The following ZNF341 variants were observed in gnomAD, a reference collection of about 807,000 sequenced individuals.
ZNF341 encodes zinc finger protein 341.
ZNF341 carries 52 observed loss-of-function variants against 87.7 expected under a neutral mutation model. The ratio of observed to expected loss-of-function variants is 0.59; its 90% CI spans 0.47 to 0.75. The LOEUF (loss-of-function observed/expected upper bound fraction) is 0.75, where lower values mean the gene tolerates loss of function less well. Ranked by LOEUF, ZNF341 falls within the 30% of genes least tolerant of loss-of-function variation. ZNF341 has a pLI of 0.00. For missense variants in ZNF341, 977 were observed against 1,145.9 expected (o/e 0.85, Z 2.13); for synonymous variants, 459 against 472.7 (o/e 0.97, Z 0.38).
At chr20:33,780,252 A>G (rs911310517) in intron 10 of ZNF341, among the ~76,000 whole-genome samples, 2 of 152,002 alleles carry the variant, frequency 1.3e-5, no homozygotes, top group African/African-American at 4.8e-5. Context: ...TGTTCAAGGT[A>G]GGTCAAGGAG....
chr20:33,769,992 C>A lies in ZNF341; in HGVS notation c.1414-92C>A, dbSNP rs573468777. 31 of 788,782 alleles carry A rather than the reference C, an allele frequency of 3.9e-5. No individual in the cohort carries two copies. The Middle Eastern group carries it at 1.4e-3, about 36-fold the overall frequency. The allele number at this position is 788,782 out of a possible 1,614,324, so 48.9% of individuals were successfully genotyped here. On this transcript the variant is annotated intron_variant, in intron 9 of 14. Transcript: ENST00000375200. The stretch of plus-strand genomic sequence containing the variant: ...GAGGGAGCAGTGGTCAGATCATTTA[C>A]CATCAGTGTCCAAGGCCAATGCCAC...
intron 3 of ZNF341, among the ~76,000 whole-genome samples, chr20:33,747,937 G>T (rs186023691): frequency 6.6e-6 from 1 of 151,720 alleles, no homozygotes; most frequent in Non-Finnish European, 1.5e-5. Flanking sequence ...CAAGTGATCC[G>T]CCTGTCTTGG....
At chr20:33,733,931 A>T (rs1340935955) in intron 1 of ZNF341, among the ~76,000 whole-genome samples, 1 of 152,250 alleles carries the variant, frequency 6.6e-6, no homozygotes, top group Admixed American at 6.5e-5. Flanking sequence ...GAGGTGGTGG[A>T]TCAGGAAGGC....
intron 7 of ZNF341, among the ~76,000 whole-genome samples, chr20:33,760,831 A>C (rs2019275110): frequency 6.6e-6 from 1 of 152,128 alleles, no homozygotes; most frequent in Non-Finnish European, 1.5e-5. Flanking sequence ...GGTGTGAGCC[A>C]CCATGCTGGG....
chr20:33,784,178 TC>T (rs1342215119), intron 12 of ZNF341, among the ~76,000 whole-genome samples: 11 of 8,788 alleles, frequency 1.3e-3, no homozygotes, highest in African/African-American at 5.0e-3. Context: ...CTCCTCTCCC[TC>T]CCCCCTCCCT....
chr20:33,784,637 C>A (rs534282765), intron 12 of ZNF341, among the ~76,000 whole-genome samples: 4 of 146,616 alleles, frequency 2.7e-5, no homozygotes, highest in African/African-American at 7.6e-5. Flanking sequence ...TTCTTTGAGA[C>A]AAAGTCTCGC....
intron 10 of ZNF341, among the ~76,000 whole-genome samples, chr20:33,774,410 C>A (rs1234915700): frequency 2.0e-5 from 3 of 151,936 alleles, no homozygotes; most frequent in Admixed American, 2.0e-4. Flanking sequence ...AACAAAAAAC[C>A]AAAACTGTCA....
Position 33,770,069 on chromosome 20 carries a change from G to A in ZNF341, c.1414-15G>A, listed in dbSNP as rs1279195899. The A allele has an allele frequency of 6.2e-7, 1 of 1,606,296 alleles. No individual in the cohort carries two copies. Among genetic ancestry groups the A allele is most frequent in the South Asian group, 1.1e-5 (1 of 90,530 alleles). On this transcript the variant is annotated splice_polypyrimidine_tract_variant and intron_variant, in intron 9 of 14. Transcript: ENST00000375200. The stretch of plus-strand genomic sequence containing the variant: ...TCTCCTGCCTCCTGTCACCTGCCCA[G>A]CGTCTTCCCTCAAGGTGTACAAGTG...
At chr20:33,764,373 A>G (rs1162363689) in intron 8 of ZNF341, among the ~76,000 whole-genome samples, 1 of 150,932 alleles carries the variant, frequency 6.6e-6, no homozygotes, top group Non-Finnish European at 1.5e-5. Context: ...GGCAAAAATA[A>G]TCTTAAATAA....
At chr20:33,746,752 A>G (rs1044371496) in intron 3 of ZNF341, among the ~76,000 whole-genome samples, 1 of 152,104 alleles carries the variant, frequency 6.6e-6, no homozygotes, top group Non-Finnish European at 1.5e-5. Context: ...GGTGGTGAGA[A>G]AGTGTGAGAT....
chr20:33,738,877 G>A (rs569811319), intron 1 of ZNF341, among the ~76,000 whole-genome samples: 7 of 152,238 alleles, frequency 4.6e-5, no homozygotes, highest in Admixed American at 2.0e-4. Flanking sequence ...GGAGGGCTGC[G>A]CTGGCAGCGT....
Position 33,745,229 on chromosome 20 carries a change from C to T in ZNF341, c.269C>T (p.Thr90Ile), listed in dbSNP as rs780164308. ...APALATVSLA[T>I]NSIYPPSAAP... Reference sequence around the variant, plus strand: ...GCCCTGGCCACAGTCTCACTGGCCACCAACAGCATCTACCCACCTTCGGCA... The same window carrying T: ...GCCCTGGCCACAGTCTCACTGGCCATCAACAGCATCTACCCACCTTCGGCA... The change falls in exon 3 of 15, where the codon ACC (threonine) becomes ATC (isoleucine). Residue 90 changes from threonine to isoleucine, a missense_variant. Thr to Ile is a moderately conservative substitution (Grantham distance 89, BLOSUM62 -1). This residue lies in a region of ZNF341 where 515 missense variants were observed against 598.2 expected (regional missense o/e 0.86). Transcript: ENST00000375200. 6.2e-7 allele frequency: 1 copy of T among 1,614,110 alleles called. No homozygotes were observed. The highest frequency in any genetic ancestry group is 1.3e-5 in the African/African-American group (1 of 74,946).
Position 33,770,304 on chromosome 20 carries a change from C to T in ZNF341, c.1622+12C>T, listed in dbSNP as rs1439657894. 2.8e-6 allele frequency: 3 copies of T among 1,090,534 alleles called. No homozygotes were observed. Among genetic ancestry groups the T allele is most frequent in the Admixed American group, 1.9e-5 (1 of 51,388 alleles). 67.6% of individuals were successfully genotyped at this position (1,090,534 alleles called of 1,614,324 possible). On this transcript the variant is annotated intron_variant, in intron 10 of 14. Transcript: ENST00000375200. Reference sequence around the variant, plus strand: ...AATGCCGTCTACAAGTAAGTGCCTCCTGCTTCCCTCTCCCTGGGTGGACGG... The same window carrying T: ...AATGCCGTCTACAAGTAAGTGCCTCTTGCTTCCCTCTCCCTGGGTGGACGG...
At chr20:33,783,656 G>C (rs944063010) in intron 11 of ZNF341, 76 bp from the exon 12 acceptor site, 41 of 1,603,764 alleles carry the variant, frequency 2.6e-5, no homozygotes, top group Non-Finnish European at 3.3e-5. Context: ...TGGAAACGAG[G>C]AACCTTTGAG....
intron 4 of ZNF341, among the ~76,000 whole-genome samples, chr20:33,752,778 G>A (rs920452508): frequency 1.3e-5 from 2 of 149,900 alleles, no homozygotes; most frequent in African/African-American, 2.5e-5. Context: ...TCAGCCTCCC[G>A]ATAGCTGGGA....
chr20:33,764,595 T>G (rs1208518841), intron 8 of ZNF341, among the ~76,000 whole-genome samples: 1 of 113,912 alleles, frequency 8.8e-6, no homozygotes, highest in Non-Finnish European at 1.8e-5. Flanking sequence ...TTTTTTGAGA[T>G]GGAGTCTTGC....
chr20:33,766,720 T>C, intron 8 of ZNF341, 131 bp from the exon 9 acceptor site: 1 of 955,180 alleles, frequency 1.0e-6, no homozygotes, highest in Non-Finnish European at 1.6e-6. Flanking sequence ...GTGCAGCACC[T>C]TAAGCACAGA....
rs1012574370 is a variant in ZNF341 at position 33,732,174 on chromosome 20, C to T, written c.31+122C>T. On this transcript the variant is annotated intron_variant, in intron 1 of 14. Coordinates refer to ENST00000375200, the MANE Select transcript of ZNF341 (RefSeq NM_001282933.2). The surrounding 1 kb of genome is among the most constrained non-coding windows in gnomAD (Gnocchi z 4.5). Reference sequence around the variant, plus strand: ...GGGGCGGAGGGCGCCGGGGCTGGAACAGCCGCGGGGCGGGAGGGGCGCGGG... The same window carrying T: ...GGGGCGGAGGGCGCCGGGGCTGGAATAGCCGCGGGGCGGGAGGGGCGCGGG... 3 of 794,270 alleles carry T rather than the reference C, an allele frequency of 3.8e-6. No individual in the cohort carries two copies. Among genetic ancestry groups the T allele is most frequent in the Non-Finnish European group, 4.6e-6 (3 of 656,184 alleles). The allele number at this position is 794,270 out of a possible 1,614,324, so 49.2% of individuals were successfully genotyped here. A position where few individuals can be genotyped will look rare whatever the true frequency, so the allele number is the denominator to read the frequency against.
At chr20:33,766,058 T>G (rs2122696310) in intron 8 of ZNF341, among the ~76,000 whole-genome samples, 1 of 152,192 alleles carries the variant, frequency 6.6e-6, no homozygotes, top group Non-Finnish European at 1.5e-5. Context: ...AATTTTTTTG[T>G]ATTTTTGGTA....
Sources: allele counts gnomAD v4.1 joint callset (sites outside exome capture counted in the v4.1 genomes callset), GRCh38; gene constraint gnomAD v4.1.1; regional missense constraint gnomAD v4.1.1; non-coding constraint Gnocchi (gnomAD v3.1); transcripts MANE v1.5; gene names NCBI Gene and HGNC (gene_info 2026-07-23, HGNC 2026-07-21).